SLC2A10: variants seen among roughly 807,000 people sequenced by gnomAD.
SLC2A10 encodes solute carrier family 2 member 10.
SLC2A10 carries 25 observed loss-of-function variants against 32.1 expected under a neutral mutation model. That is an observed-to-expected ratio of 0.78 (90% CI 0.57 to 1.09). SLC2A10 has a LOEUF of 1.09. Among genes scored for constraint, SLC2A10 ranks in the 50% least tolerant of loss-of-function variants. The probability of loss-of-function intolerance (pLI) is 0.00; values close to 1 mark genes in which losing one functional copy is unlikely to be tolerated. For synonymous variants in SLC2A10, 332 were observed against 309.6 expected, an observed-to-expected ratio of 1.07 and a Z score of -0.76; for missense variants, 673 against 686.5, an observed-to-expected ratio of 0.98 and a Z score of 0.22.
Position 46,734,347 on chromosome 20 carries a change from T to C in SLC2A10, c.*513T>C, listed in dbSNP as rs111352987. The C allele has an allele frequency of 5.6e-3, 1,053 of 186,540 alleles. 11 individuals are homozygous for C. The highest frequency in any genetic ancestry group is 0.024 in the African/African-American group (994 of 41,870). The allele number at this position is 186,540 out of a possible 1,614,324, so 11.6% of individuals were successfully genotyped here. ...TCTGTTGCCCAGGCTGGCCTGATCT[T>C]GGCTCACTGCAACCTCCACCTCCTG... is the stretch of plus-strand genomic sequence containing the variant. On this transcript the variant is annotated 3_prime_UTR_variant, in exon 5 of 5. Coordinates refer to ENST00000359271, the MANE Select transcript of SLC2A10 (RefSeq NM_030777.4).
chr20:46,719,386 T>C (rs1372836110), intron 1 of SLC2A10, among the ~76,000 whole-genome samples: 7 of 152,312 alleles, frequency 4.6e-5, no homozygotes, highest in South Asian at 2.1e-4. Flanking sequence ...AAGACATACC[T>C]GAGACTGGGT....
rs769571922 is a variant in SLC2A10, at chr20:46,729,336, C to T, written c.1412-17C>T. ...GTGCTTGGTCCTGGGCCTACACTCC[C>T]GCCCTCCTGTTTCCAGGCACCATCG... On this transcript the variant is annotated splice_polypyrimidine_tract_variant and intron_variant, in intron 3 of 4. Transcript: ENST00000359271. 4 of 1,612,842 alleles carry T rather than the reference C, an allele frequency of 2.5e-6. No homozygotes were observed. The highest frequency in any genetic ancestry group is 3.3e-5 in the Admixed American group (2 of 60,006).
intron 1 of SLC2A10, among the ~76,000 whole-genome samples, chr20:46,715,858 G>A (rs765492471): frequency 2.3e-4 from 35 of 151,998 alleles, no homozygotes; most frequent in Non-Finnish European, 4.1e-4. Flanking sequence ...TAGAGTCAGG[G>A]TCTCAGTCTG....
At position 46,734,569 on chromosome 20, in the gene SLC2A10, A is replaced by T. The variant is rs1337296427; in HGVS notation, c.*735A>T. 4 of 152,384 alleles carry T rather than the reference A, an allele frequency of 2.6e-5. No homozygotes were observed. Among genetic ancestry groups the T allele is most frequent in the Non-Finnish European group, 5.9e-5 (4 of 68,288 alleles). The allele number at this position is 152,384 out of a possible 1,614,324, so 9.4% of individuals were successfully genotyped here. ...GGATTACAGGCCTTTTGACTCTTTT[A>T]TCTGAGTTTTATTGACCCCTCTAAT... On this transcript the variant is annotated 3_prime_UTR_variant, in exon 5 of 5. Transcript: ENST00000359271.
chr20:46,728,397 G>T lies in SLC2A10; in HGVS notation c.1412-956G>T, dbSNP rs73295915. Among the ~76,000 whole-genome samples, 503 of 152,128 alleles carry T rather than the reference G, an allele frequency of 3.3e-3. 6 individuals are homozygous for T. Among genetic ancestry groups the T allele is most frequent in the African/African-American group, 0.011 (477 of 41,496 alleles). The stretch of plus-strand genomic sequence containing the variant: ...CCTCCACAGCCTCTTCTCTGTCTTG[G>T]GATGAATGACATCAAATGACTCAGG... On this transcript the variant is annotated intron_variant, in intron 3 of 4. Coordinates refer to ENST00000359271, the MANE Select transcript of SLC2A10 (RefSeq NM_030777.4).
chr20:46,734,294 A>ATTT lies in SLC2A10; in HGVS notation c.*470_*472dup. 2 of 188,202 alleles carry ATTT rather than the reference A, an allele frequency of 1.1e-5. No homozygotes were observed. Among genetic ancestry groups the ATTT allele is most frequent in the South Asian group, 9.4e-5 (1 of 10,680 alleles). 11.7% of individuals were successfully genotyped at this position (188,202 alleles called of 1,614,324 possible). ...GGAAGTCTCTTTTTTTACTCTTATC[A>ATTT]TTTTTTTTTTTTGAGGTGGAGTCTC... On this transcript the variant is annotated 3_prime_UTR_variant, in exon 5 of 5. Transcript: ENST00000359271.
chr20:46,714,908 C>A (rs1379686395), intron 1 of SLC2A10, among the ~76,000 whole-genome samples: 1 of 152,210 alleles, frequency 6.6e-6, no homozygotes, highest in Non-Finnish European at 1.5e-5. Context: ...CCTGAGAGCT[C>A]TTTCCCCTCC....
chr20:46,729,082 T>C (rs1359464999), intron 3 of SLC2A10, among the ~76,000 whole-genome samples: 1 of 152,088 alleles, frequency 6.6e-6, no homozygotes, highest in Non-Finnish European at 1.5e-5. Flanking sequence ...TAGATGTGGG[T>C]GAGGGGCCTT....
chr20:46,709,675 C>T lies in SLC2A10; in HGVS notation c.-62C>T. 2 of 1,532,102 alleles carry T rather than the reference C, an allele frequency of 1.3e-6. No individual in the cohort carries two copies. The highest frequency in any genetic ancestry group is 1.8e-6 in the Non-Finnish European group (2 of 1,140,084). 94.9% of individuals were successfully genotyped at this position (1,532,102 alleles called of 1,614,324 possible). The stretch of plus-strand genomic sequence containing the variant: ...TCCGGCGGCAGCGGCGTTGGGGACT[C>T]CGGCGGGGGATGCGCGCCCGGCCCC... On this transcript the variant is annotated 5_prime_UTR_variant, in exon 1 of 5. Transcript: ENST00000359271.
At chr20:46,708,760 G>T (rs1668700983), upstream of SLC2A10, among the ~76,000 whole-genome samples, 1 of 152,096 alleles carries the variant, frequency 6.6e-6, no homozygotes, top group African/African-American at 2.4e-5. Flanking sequence ...GCCCACCAAA[G>T]CCCCTCCCTT....
intron 1 of SLC2A10, chr20:46,710,256 G>T (rs1322475273): frequency 5.1e-6 from 2 of 390,916 alleles, no homozygotes; most frequent in East Asian, 7.3e-5. Context: ...CATTGGGGTG[G>T]GACGCGTGGG....
chr20:46,723,864 G>A (rs536063116), intron 1 of SLC2A10, among the ~76,000 whole-genome samples: 32 of 152,330 alleles, frequency 2.1e-4, no homozygotes, highest in Non-Finnish European at 4.3e-4. Context: ...TCTGCACTTT[G>A]GAGGATGATA....
At chr20:46,729,778 G>C (rs918515078) in intron 4 of SLC2A10, among the ~76,000 whole-genome samples, 1 of 151,834 alleles carries the variant, frequency 6.6e-6, no homozygotes, top group African/African-American at 2.4e-5. Context: ...GAGTAGCTGG[G>C]ACTACAGGCG....
At chr20:46,728,012 G>A (rs1273808883) in intron 3 of SLC2A10, among the ~76,000 whole-genome samples, 1 of 152,076 alleles carries the variant, frequency 6.6e-6, no homozygotes, top group South Asian at 2.1e-4. Flanking sequence ...GCTTCTCCCT[G>A]CAGCCTCAGT....
At chr20:46,718,652 C>T (rs965425598) in intron 1 of SLC2A10, among the ~76,000 whole-genome samples, 1 of 151,914 alleles carries the variant, frequency 6.6e-6, no homozygotes, top group Non-Finnish European at 1.5e-5. Flanking sequence ...AATTTTTATT[C>T]TCAGTTATTT....
In SLC2A10 at chr20:46,725,525, A is replaced by T. The variant is rs1170449517; in HGVS notation, c.489A>T (p.Gly163=). The T allele has an allele frequency of 6.2e-7, 1 of 1,614,004 alleles. No individual in the cohort carries two copies. Among genetic ancestry groups the T allele is most frequent in the East Asian group, 2.2e-5 (1 of 44,876 alleles). The change falls in exon 2 of 5, where the codon GGA becomes GGT. Residue 163 remains glycine (G), a synonymous_variant. Transcript: ENST00000359271. ...LNYALAGTPW[G]WRHMFGWATA... The stretch of plus-strand genomic sequence containing the variant: ...ATGCACTGGCTGGTACCCCCTGGGG[A>T]TGGAGGCACATGTTCGGCTGGGCCA...
At chr20:46,733,319 G>A (rs1465840176) in intron 4 of SLC2A10, among the ~76,000 whole-genome samples, 2 of 152,060 alleles carry the variant, frequency 1.3e-5, no homozygotes, top group Admixed American at 6.5e-5. Flanking sequence ...TCATGAGAAC[G>A]AACTCACCAT....
intron 1 of SLC2A10, among the ~76,000 whole-genome samples, chr20:46,715,920 C>A (rs1447744903): frequency 1.3e-5 from 2 of 152,120 alleles, no homozygotes; most frequent in African/African-American, 4.8e-5. Context: ...TAACCTCAAA[C>A]TCCTGGGCTC....
chr20:46,723,639 G>C (rs1039612183), intron 1 of SLC2A10, among the ~76,000 whole-genome samples: 1 of 152,166 alleles, frequency 6.6e-6, no homozygotes, highest in Non-Finnish European at 1.5e-5. Context: ...CAACCACTGA[G>C]AATGACATTC....
Sources: allele counts gnomAD v4.1 joint callset (sites outside exome capture counted in the v4.1 genomes callset), GRCh38; gene constraint gnomAD v4.1.1; transcripts MANE v1.5; gene names NCBI Gene and HGNC (gene_info 2026-07-23, HGNC 2026-07-21).